Variants in TRHDE observed in about 807,000 individuals in gnomAD.
TRHDE encodes thyrotropin-releasing hormone-degrading ectoenzyme.
In TRHDE, 72 loss-of-function variants were observed where a neutral mutation model predicts 125.7. The ratio of observed to expected loss-of-function variants is 0.57; its 90% confidence interval spans 0.47 to 0.70. The LOEUF is 0.70. Ranked by LOEUF, TRHDE falls within the 30% of genes least tolerant of loss-of-function variation. The pLI is 0.00. For missense variants in TRHDE, 1,110 were observed against 1,327.1 expected (o/e 0.84, Z 2.54); for synonymous variants, 509 against 509.1 (o/e 1.00, Z 0.00).
intron 3 of TRHDE, among the ~76,000 whole-genome samples, chr12:72,435,049 A>G (rs1215158427): frequency 1.3e-5 from 2 of 152,242 alleles, no homozygotes; most frequent in Admixed American, 1.3e-4. Flanking sequence ...TGTAAAGGGA[A>G]AATTTCTTCT....
chr12:72,375,905 G>A (rs1725196559), intron 2 of TRHDE, among the ~76,000 whole-genome samples: 1 of 152,166 alleles, frequency 6.6e-6, no homozygotes, highest in Admixed American at 6.5e-5. Flanking sequence ...GTCTCTTGTG[G>A]ATGTTGTTGG....
chr12:72,413,425 A>T (rs1486503251), intron 3 of TRHDE, among the ~76,000 whole-genome samples: 2 of 150,074 alleles, frequency 1.3e-5, no homozygotes, highest in Admixed American at 1.3e-4. Context: ...TGAAAAAAGA[A>T]TATAAAAAAT....
chr12:72,520,576 A>G (rs529482763), intron 6 of TRHDE, among the ~76,000 whole-genome samples: 1 of 152,108 alleles, frequency 6.6e-6, no homozygotes, highest in Non-Finnish European at 1.5e-5. Flanking sequence ...GGTACCTCAG[A>G]TGGAAATGCA....
chr12:72,137,608 T>C (rs1000884159), intron 2 of TRHDE: 2 of 152,132 alleles, frequency 1.3e-5, no homozygotes, highest in Non-Finnish European at 2.9e-5. Flanking sequence ...AGGGAGTAAA[T>C]ATGGTGAGAT....
chr12:72,368,263 G>A (rs543421448), intron 2 of TRHDE, among the ~76,000 whole-genome samples: 44 of 152,054 alleles, frequency 2.9e-4, no homozygotes, highest in Non-Finnish European at 5.4e-4. Flanking sequence ...AACTTAAAAA[G>A]TCTGTAAGGT....
rs1282977727 is a variant in TRHDE at position 72,562,862 on chromosome 12, A to G, written c.1864A>G (p.Arg622Gly). 1 of 1,559,612 alleles carries G rather than the reference A, an allele frequency of 6.4e-7. No homozygotes were observed. Among genetic ancestry groups the G allele is most frequent in the Admixed American group, 2.1e-5 (1 of 47,888 alleles). ...LWNTLSEALK[R>G]NGKYVNIQEV... ...ATTTTTCCTTGTGAAGGCTTTAAAA[A>G]GAAATGGGAAATATGTAAATATACA... The change falls in exon 9 of 19, where the codon AGA becomes GGA. Residue 622 changes from arginine (R) to glycine (G), a missense_variant. By Grantham distance (125) the Arg-to-Gly change is moderately radical. Coordinates refer to ENST00000261180, the MANE Select transcript of TRHDE (RefSeq NM_013381.3).
intron 6 of TRHDE, among the ~76,000 whole-genome samples, chr12:72,511,820 T>A (rs1878592405): frequency 6.6e-6 from 1 of 152,178 alleles, no homozygotes; most frequent in Non-Finnish European, 1.5e-5. Flanking sequence ...CCCCATTATA[T>A]GTCCATCTCT....
intron 2 of TRHDE, among the ~76,000 whole-genome samples, chr12:72,152,369 C>T (rs1218630984): frequency 2.0e-5 from 3 of 151,846 alleles, no homozygotes; most frequent in African/African-American, 7.3e-5. Flanking sequence ...TCCTCTTTTC[C>T]TAATTGAATA....
At chr12:72,235,895 G>A (rs564306518) in intron 2 of TRHDE, among the ~76,000 whole-genome samples, 6 of 152,318 alleles carry the variant, frequency 3.9e-5, no homozygotes, top group African/African-American at 1.4e-4. Flanking sequence ...GTATATTATT[G>A]CACTGGAGTG....
At chr12:72,270,099 T>G (rs890873687), upstream of TRHDE, among the ~76,000 whole-genome samples, 3 of 152,210 alleles carry the variant, frequency 2.0e-5, no homozygotes, top group Non-Finnish European at 4.4e-5. Flanking sequence ...CTTACTTGCT[T>G]GCACTATAGT....
At chr12:72,295,383 ACTGCTGCCG>A (rs1428327114) in intron 2 of TRHDE, among the ~76,000 whole-genome samples, 1 of 152,120 alleles carries the variant, frequency 6.6e-6, no homozygotes, top group Non-Finnish European at 1.5e-5. Flanking sequence ...CAGATGGCCC[ACTGCTGCCG>A]TCACTATGAT....
At chr12:72,414,200 C>T (rs752817074) in intron 3 of TRHDE, among the ~76,000 whole-genome samples, 10 of 151,874 alleles carry the variant, frequency 6.6e-5, no homozygotes, top group African/African-American at 9.7e-5. Flanking sequence ...TTTGTATGAC[C>T]GGGGTCAAAT....
In TRHDE at chr12:72,273,424, G is replaced by T. The variant is rs1162417695; in HGVS notation, c.781G>T (p.Val261Phe). 1 of 1,614,162 alleles carries T rather than the reference G, an allele frequency of 6.2e-7. No homozygotes were observed. The highest frequency in any genetic ancestry group is 2.2e-5 in the East Asian group (1 of 44,860). The stretch of plus-strand genomic sequence containing the variant: ...TTTTTTCCTCTACCCGCAAACCCAG[G>T]TCTTAGTGGTGGTGCTGAATAGGAC... ...AGFFLYPQTQ[V>F]LVVVLNRTLD... Residue 261 changes from valine to phenylalanine, a missense_variant, in exon 1 of 19, where the codon GTC (valine) becomes TTC (phenylalanine). By Grantham distance (50) the Val-to-Phe change is conservative (BLOSUM62 -1). Around this residue, in one of 5 missense-constraint regions of TRHDE, gnomAD observed 252 missense variants for 274.8 expected, o/e 0.92. Coordinates refer to ENST00000261180, the MANE Select transcript of TRHDE (RefSeq NM_013381.3). This position sits in a 1 kb window ranked among gnomAD's most constrained non-coding sequence, Gnocchi z 5.3.
intron 3 of TRHDE, among the ~76,000 whole-genome samples, chr12:72,396,658 C>T (rs938534263): frequency 5.3e-5 from 8 of 152,094 alleles, no homozygotes; most frequent in South Asian, 2.1e-4. Flanking sequence ...GTGGGAGAAT[C>T]GCTTGAACCT....
intron 2 of TRHDE, among the ~76,000 whole-genome samples, chr12:72,325,523 C>T (rs904004480): frequency 2.0e-5 from 3 of 151,786 alleles, no homozygotes; most frequent in Admixed American, 2.0e-4. Context: ...GCAAATATAG[C>T]AAACAACACC....
intron 2 of TRHDE, among the ~76,000 whole-genome samples, chr12:72,260,975 A>G (rs1251307069): frequency 6.6e-6 from 1 of 152,186 alleles, no homozygotes. Flanking sequence ...TTGGTAAATT[A>G]CTTTCCACAA....
intron 2 of TRHDE, among the ~76,000 whole-genome samples, chr12:72,211,223 A>G (rs1022728047): frequency 6.6e-6 from 1 of 152,202 alleles, no homozygotes; most frequent in Non-Finnish European, 1.5e-5. Flanking sequence ...AGAGACCACC[A>G]TTCCCAGCTC....
intron 12 of TRHDE, among the ~76,000 whole-genome samples, chr12:72,615,431 T>C (rs1320876553): frequency 6.6e-6 from 1 of 152,112 alleles, no homozygotes; most frequent in African/African-American, 2.4e-5. Flanking sequence ...CCTATATTGA[T>C]TGCATTATCA....
At chr12:72,125,748 C>T (rs192106055) in intron 2 of TRHDE, among the ~76,000 whole-genome samples, 2 of 152,238 alleles carry the variant, frequency 1.3e-5, no homozygotes, top group Admixed American at 6.5e-5. Context: ...AATAGTTTAG[C>T]CAATGGTTTT....
Sources: gnomAD v4.1 joint callset for allele counts (sites outside exome capture counted in the v4.1 genomes callset) on GRCh38, gnomAD v4.1.1 for gene constraint, gnomAD v4.1.1 regional missense constraint, Gnocchi (gnomAD v3.1) non-coding constraint, MANE v1.5 for transcripts, NCBI Gene and HGNC (gene_info 2026-07-23, HGNC 2026-07-21) for gene names.